The following ERBB4 variants were observed in gnomAD, a reference collection of about 807,000 sequenced individuals.
ERBB4 encodes the protein receptor tyrosine-protein kinase erbB-4.
A neutral mutation model predicts 158.0 loss-of-function variants in ERBB4; 42 were observed. The ratio of observed to expected loss-of-function variants is 0.27; its 90% CI spans 0.21 to 0.34. The LOEUF (loss-of-function observed/expected upper bound fraction) is 0.34. Ranked by LOEUF, ERBB4 falls within the 10% of genes least tolerant of loss-of-function variation. The pLI is 1.00. For synonymous variants in ERBB4, 583 were observed against 558.7 expected, an observed-to-expected ratio of 1.04 and a Z score of -0.61; for missense variants, 1,333 against 1,624.1, an observed-to-expected ratio of 0.82 and a Z score of 3.08.
chr2:212,143,985 T>C (rs7569196), intron 1 of ERBB4, among the ~76,000 whole-genome samples: 18,739 of 151,170 alleles, frequency 0.12, 2,493 homozygotes, highest in African/African-American at 0.34. Flanking sequence ...CACCACTGCA[T>C]TCCGGCCTGG....
intron 2 of ERBB4, among the ~76,000 whole-genome samples, chr2:212,035,659 T>G (rs1210886343): frequency 6.6e-6 from 1 of 152,232 alleles, no homozygotes; most frequent in Non-Finnish European, 1.5e-5. Flanking sequence ...AAGGAATGTG[T>G]CATGTACTTT....
At chr2:212,419,074 T>C (rs2091728464) in intron 1 of ERBB4, among the ~76,000 whole-genome samples, 1 of 151,058 alleles carries the variant, frequency 6.6e-6, no homozygotes, top group Non-Finnish European at 1.5e-5. Flanking sequence ...ATTTGCTAAC[T>C]TCTTACTATG....
intron 2 of ERBB4, 143 bp from the exon 3 acceptor site, chr2:211,947,759 A>C (rs2080743645): frequency 1.4e-6 from 1 of 695,368 alleles, no homozygotes; most frequent in East Asian, 2.7e-5. Context: ...ATTCTAAAGA[A>C]TTGGCTTCAT....
intron 5 of ERBB4, among the ~76,000 whole-genome samples, chr2:211,748,605 T>C (rs902033461): frequency 6.6e-6 from 1 of 152,184 alleles, no homozygotes; most frequent in Non-Finnish European, 1.5e-5. Flanking sequence ...CTGAACCCCA[T>C]GGGCCTGAGA....
At chr2:212,281,150 C>G (rs1224564479) in intron 1 of ERBB4, among the ~76,000 whole-genome samples, 3 of 151,500 alleles carry the variant, frequency 2.0e-5, no homozygotes, top group Non-Finnish European at 4.4e-5. Flanking sequence ...TCTTCTGAAA[C>G]CGTCACAGAT....
intron 1 of ERBB4, among the ~76,000 whole-genome samples, chr2:212,379,926 T>C (rs549622863): frequency 6.6e-6 from 1 of 151,374 alleles, no homozygotes; most frequent in Non-Finnish European, 1.5e-5. Context: ...CAAAATAAAA[T>C]ACAAAATAAA....
At chr2:212,369,304 G>A (rs1040982620) in intron 1 of ERBB4, among the ~76,000 whole-genome samples, 6 of 152,136 alleles carry the variant, frequency 3.9e-5, no homozygotes, top group African/African-American at 1.4e-4. Flanking sequence ...CATGTTCCCT[G>A]TGACAGGGTT....
intron 1 of ERBB4, among the ~76,000 whole-genome samples, chr2:212,318,129 G>C (rs2087380345): frequency 6.6e-6 from 1 of 151,492 alleles, no homozygotes; most frequent in South Asian, 2.1e-4. Flanking sequence ...AGTAAACTGA[G>C]TCTCAGAAGT....
At chr2:211,482,031 A>T (rs1294092331) in intron 20 of ERBB4, among the ~76,000 whole-genome samples, 1 of 152,180 alleles carries the variant, frequency 6.6e-6, no homozygotes, top group East Asian at 1.9e-4. Context: ...GAATCCAAGT[A>T]GAGACAGGCA....
intron 20 of ERBB4, among the ~76,000 whole-genome samples, chr2:211,456,057 T>C (rs1299257359): frequency 4.6e-5 from 7 of 152,214 alleles, no homozygotes; most frequent in African/African-American, 1.4e-4. Context: ...CACCCGAACA[T>C]ACAAACTTAT....
At chr2:212,426,993 C>A (rs935690414) in intron 1 of ERBB4, among the ~76,000 whole-genome samples, 1 of 152,098 alleles carries the variant, frequency 6.6e-6, no homozygotes, top group Non-Finnish European at 1.5e-5. Flanking sequence ...ATGTCTTTTG[C>A]ACTTATCTAC....
At chr2:212,534,792 G>A (rs1017956127) in intron 1 of ERBB4, among the ~76,000 whole-genome samples, 4 of 152,146 alleles carry the variant, frequency 2.6e-5, no homozygotes, top group African/African-American at 9.7e-5. Context: ...GAAAGCTCAT[G>A]AATACTACAT....
At chr2:211,986,416 G>T (rs1262002261) in intron 2 of ERBB4, among the ~76,000 whole-genome samples, 1 of 152,106 alleles carries the variant, frequency 6.6e-6, no homozygotes, top group Admixed American at 6.6e-5. Flanking sequence ...GCTAATTATT[G>T]TTAGAACTCG....
chr2:212,356,305 A>C (rs2089460695), intron 1 of ERBB4, among the ~76,000 whole-genome samples: 1 of 141,134 alleles, frequency 7.1e-6, no homozygotes, highest in Non-Finnish European at 1.6e-5. Context: ...GCAAGACCTC[A>C]TTAATCAAGT....
intron 12 of ERBB4, among the ~76,000 whole-genome samples, chr2:211,690,440 C>G (rs1207261010): frequency 1.3e-5 from 2 of 152,154 alleles, no homozygotes; most frequent in Non-Finnish European, 2.9e-5. Flanking sequence ...CAAAATCTTA[C>G]CTCTCTTCGG....
intron 1 of ERBB4, among the ~76,000 whole-genome samples, chr2:212,148,917 A>G (rs1312162513): frequency 7.0e-6 from 1 of 142,912 alleles, no homozygotes; most frequent in Non-Finnish European, 1.5e-5. Flanking sequence ...TCGCAAGAAC[A>G]AAAAACCAAA....
intron 3 of ERBB4, among the ~76,000 whole-genome samples, chr2:211,857,366 AT>A (rs1256678677): frequency 6.6e-6 from 1 of 152,204 alleles, no homozygotes; most frequent in African/African-American, 2.4e-5. Flanking sequence ...CTTTTAACCT[AT>A]GTATATATCC....
At chr2:211,837,223 T>C (rs2077361546) in intron 3 of ERBB4, among the ~76,000 whole-genome samples, 2 of 152,092 alleles carry the variant, frequency 1.3e-5, no homozygotes, top group Non-Finnish European at 2.9e-5. Flanking sequence ...ACTGAATCTG[T>C]TCGATTCACA....
At chr2:211,782,831 G>A (rs2076069827) in intron 4 of ERBB4, among the ~76,000 whole-genome samples, 1 of 152,090 alleles carries the variant, frequency 6.6e-6, no homozygotes, top group Admixed American at 6.5e-5. Flanking sequence ...TGTTCTTTTG[G>A]CTTAGGATTG....
Sources: gnomAD v4.1 joint callset for allele counts (sites outside exome capture counted in the v4.1 genomes callset) on GRCh38, gnomAD v4.1.1 for gene constraint, MANE v1.5 for transcripts, NCBI Gene and HGNC (gene_info 2026-07-23, HGNC 2026-07-21) for gene names.